Variants in GAB2 observed in about 807,000 individuals in gnomAD.
GAB2 encodes GRB2-associated-binding protein 2.
In GAB2, 26 loss-of-function variants were observed where a neutral mutation model predicts 65.5. That is an observed-to-expected ratio of 0.40 (90% CI 0.29 to 0.55). The LOEUF (loss-of-function observed/expected upper bound fraction) is 0.55, where lower values mean the gene tolerates loss of function less well. GAB2 is among the 20% of genes least tolerant of loss of function. GAB2 has a pLI of 0.53. For missense variants in GAB2, 884 were observed against 875.8 expected, an observed-to-expected ratio of 1.01 and a Z score of -0.12; for synonymous variants, 321 against 329.6, an observed-to-expected ratio of 0.97 and a Z score of 0.28.
intron 1 of GAB2, among the ~76,000 whole-genome samples, chr11:78,312,189 A>G (rs1001286645): frequency 6.6e-6 from 1 of 151,852 alleles, no homozygotes; most frequent in Non-Finnish European, 1.5e-5. Flanking sequence ...GGAGTTTAAA[A>G]AAAAAAAAAA....
In GAB2 at chr11:78,309,947, TGTGTGTGTGTGTGTGTGTGTGTGTGCGC is replaced by T. The variant is rs1358475671; in HGVS notation, c.76-29074_76-29047del. Reference sequence around the variant, plus strand: ...AGAAATGTGTGTGTGTGTGTGTGTGTGTGTGTGTGTGTGTGTGTGTGTGTGCGCGCGCGCCTGTGTGTGTGGTGGTGGC... The same window carrying T: ...AGAAATGTGTGTGTGTGTGTGTGTGTGCGCGCCTGTGTGTGTGGTGGTGGC... On this transcript the variant is annotated intron_variant, in intron 1 of 9. Coordinates refer to ENST00000361507, the MANE Select transcript of GAB2 (RefSeq NM_080491.3). Among the ~76,000 whole-genome samples, 1,174 of 140,184 alleles carry T rather than the reference TGTGTGTGTGTGTGTGTGTGTGTGTGCGC, an allele frequency of 8.4e-3. 16 individuals are homozygous for T. The highest frequency in any genetic ancestry group is 0.035 in the African/African-American group (1,109 of 31,630). The allele number at this position is 140,184 out of a possible 152,430, so 92.0% of individuals were successfully genotyped here.
intron 3 of GAB2, among the ~76,000 whole-genome samples, chr11:78,232,668 T>C (rs762714127): frequency 3.3e-5 from 5 of 152,232 alleles, no homozygotes; most frequent in African/African-American, 4.8e-5. Context: ...GTAAAAGTGA[T>C]GATAAATACA....
At chr11:78,221,412 A>G (rs535712118) in intron 8 of GAB2, among the ~76,000 whole-genome samples, 2 of 152,298 alleles carry the variant, frequency 1.3e-5, no homozygotes, top group African/African-American at 4.8e-5. Context: ...CATGCCACCC[A>G]TGTCACTGTC....
At chr11:78,251,293 T>G (rs1565126525) in intron 2 of GAB2, among the ~76,000 whole-genome samples, 1 of 152,184 alleles carries the variant, frequency 6.6e-6, no homozygotes, top group Non-Finnish European at 1.5e-5. Flanking sequence ...GGACTCCAGC[T>G]GCTCCTGCCT....
chr11:78,398,990 C>T (rs1856936976), intron 1 of GAB2, among the ~76,000 whole-genome samples: 1 of 152,144 alleles, frequency 6.6e-6, no homozygotes, highest in African/African-American at 2.4e-5. Context: ...GATTCAAATG[C>T]ATGGAATATG....
chr11:78,409,819 C>T (rs1857103849), intron 1 of GAB2, among the ~76,000 whole-genome samples: 1 of 152,076 alleles, frequency 6.6e-6, no homozygotes, highest in African/African-American at 2.4e-5. Context: ...GCAGAATAAA[C>T]ATTCTTTTCA....
At chr11:78,267,708 A>C (rs10899450) in intron 2 of GAB2, among the ~76,000 whole-genome samples, 3 of 151,640 alleles carry the variant, frequency 2.0e-5, no homozygotes, top group African/African-American at 4.8e-5. Context: ...AATACAAAAA[A>C]TTAGCCGGGT....
intron 1 of GAB2, among the ~76,000 whole-genome samples, chr11:78,410,951 C>G (rs1211257519): frequency 2.6e-5 from 4 of 151,898 alleles, no homozygotes; most frequent in African/African-American, 9.7e-5. Flanking sequence ...GAGTGTGAGA[C>G]CAGCCTGGGC....
chr11:78,280,679 C>T lies in GAB2; in HGVS notation c.298G>A (p.Glu100Lys). The change falls in exon 2 of 10, where the codon GAG (glutamate) becomes AAG (lysine). Residue 100 changes from glutamate to lysine, a missense_variant. Glu to Lys is a moderately conservative substitution (Grantham distance 56). Transcript: ENST00000361507. ...TSERTFYLVA[E>K]TEEDMNKWVQ... ...CACTTATTCATGTCCTCTTCTGTCT[C>T]AGCCACCAGGTAAAAGGTGCGTTCA... 3 of 1,614,154 alleles carry T rather than the reference C, an allele frequency of 1.9e-6. No homozygotes were observed. The highest frequency in any genetic ancestry group is 8.5e-7 in the Non-Finnish European group (1 of 1,179,964).
At chr11:78,234,841 C>G (rs1565119015) in intron 3 of GAB2, among the ~76,000 whole-genome samples, 1 of 151,940 alleles carries the variant, frequency 6.6e-6, no homozygotes, top group Non-Finnish European at 1.5e-5. Flanking sequence ...GAAACCCCAC[C>G]TCTACTAAAA....
chr11:78,370,670 A>G (rs1412975441), intron 1 of GAB2, among the ~76,000 whole-genome samples: 2 of 151,846 alleles, frequency 1.3e-5, no homozygotes, highest in African/African-American at 4.9e-5. Context: ...AGAAGGTTAC[A>G]GGATGGGTTG....
rs560338231 is a variant in GAB2, at chr11:78,315,233, T to C, written c.76-34332A>G. Reference sequence around the variant, plus strand: ...ATCTTATTTTATTTTGTTTTGCTTTTCCTCTCAGTCTATTCCCCTCTTCTT... The same window carrying C: ...ATCTTATTTTATTTTGTTTTGCTTTCCCTCTCAGTCTATTCCCCTCTTCTT... On this transcript the variant is annotated intron_variant, in intron 1 of 9. Transcript: ENST00000361507. 2.6e-4 allele frequency among the ~76,000 whole-genome samples: 40 copies of C among 152,336 alleles called. No individual in the cohort carries two copies. In the South Asian group the frequency reaches 8.1e-3, roughly 31 times the overall value.
At chr11:78,386,354 C>A (rs1424305182) in intron 1 of GAB2, among the ~76,000 whole-genome samples, 1 of 152,174 alleles carries the variant, frequency 6.6e-6, no homozygotes, top group East Asian at 1.9e-4. Context: ...AAGGACAGAC[C>A]TAGGGACCCT....
chr11:78,279,187 A>T, intron 2 of GAB2, among the ~76,000 whole-genome samples: 1 of 152,198 alleles, frequency 6.6e-6, no homozygotes, highest in Admixed American at 6.5e-5. Flanking sequence ...AAAATCACAG[A>T]ATTCCTAGGT....
chr11:78,280,336 G>A (rs528582439), intron 2 of GAB2: 18 of 481,282 alleles, frequency 3.7e-5, no homozygotes, highest in African/African-American at 2.1e-4. Flanking sequence ...GATGAGGAAC[G>A]GCAGTGGTGT....
chr11:78,309,934 G>A (rs1302924331), intron 1 of GAB2, among the ~76,000 whole-genome samples: 1 of 34,996 alleles, frequency 2.9e-5, no homozygotes, highest in African/African-American at 1.0e-4. Context: ...AAATGTGTGT[G>A]TGTGTGTGTG....
chr11:78,367,609 G>A (rs1167282829), intron 1 of GAB2, among the ~76,000 whole-genome samples: 2 of 152,136 alleles, frequency 1.3e-5, no homozygotes, highest in Non-Finnish European at 2.9e-5. Flanking sequence ...ATGGAATTCA[G>A]GCTAAAGATA....
At chr11:78,233,707 A>C (rs909217105) in intron 3 of GAB2, among the ~76,000 whole-genome samples, 1 of 152,240 alleles carries the variant, frequency 6.6e-6, no homozygotes, top group East Asian at 1.9e-4. Context: ...CCTGGGTTCA[A>C]GCGATTCTCC....
At chr11:78,393,611 C>A (rs1422123896) in intron 1 of GAB2, among the ~76,000 whole-genome samples, 4 of 152,192 alleles carry the variant, frequency 2.6e-5, no homozygotes, top group Non-Finnish European at 5.9e-5. Context: ...CCCTTTGAAT[C>A]AGACCCTCTT....
Sources: allele counts gnomAD v4.1 joint callset (sites outside exome capture counted in the v4.1 genomes callset), GRCh38; gene constraint gnomAD v4.1.1; transcripts MANE v1.5; gene names NCBI Gene and HGNC (gene_info 2026-07-23, HGNC 2026-07-21).